CCDC171: variants seen among roughly 807,000 people sequenced by gnomAD.
The protein encoded by CCDC171 is coiled-coil domain containing 171, also known as coiled-coil domain-containing protein 171.
Under a neutral mutation model 168.2 loss-of-function variants are expected in CCDC171, and 177 were observed. The observed-to-expected ratio is 1.05, with a 90% confidence interval of 0.93 to 1.19. The LOEUF is 1.19. Among genes scored for constraint, CCDC171 ranks in the 50% most tolerant of loss-of-function variants. CCDC171 has a pLI of 0.00. For synonymous variants in CCDC171, 687 were observed against 540.8 expected (o/e 1.27, Z -3.75); for missense variants, 1,991 against 1,539.0 (o/e 1.29, Z -4.91).
intron 7 of CCDC171, among the ~76,000 whole-genome samples, chr9:15,643,170 T>A (rs186054140): frequency 6.6e-6 from 1 of 152,136 alleles, no homozygotes; most frequent in Admixed American, 6.5e-5. Flanking sequence ...TTGCTAGCTT[T>A]TAAAATCATT....
intron 11 of CCDC171, among the ~76,000 whole-genome samples, chr9:15,710,666 G>C (rs2052597372): frequency 6.6e-6 from 1 of 151,844 alleles, no homozygotes; most frequent in South Asian, 2.1e-4. Flanking sequence ...CACAATCTCA[G>C]CTCACTGCAA....
chr9:15,988,050 G>T (rs1832052950), intron 3 of CCDC171, among the ~76,000 whole-genome samples: 1 of 152,090 alleles, frequency 6.6e-6, no homozygotes, highest in East Asian at 1.9e-4. Flanking sequence ...CAATCCTTTT[G>T]TTATACTTAT....
intron 23 of CCDC171, among the ~76,000 whole-genome samples, chr9:15,873,884 C>G (rs1377146201): frequency 6.6e-6 from 1 of 152,046 alleles, no homozygotes; most frequent in African/African-American, 2.4e-5. Context: ...AGTACAAATA[C>G]TACTGATTTT....
At chr9:15,594,402 G>A (rs2042196409) in intron 6 of CCDC171, among the ~76,000 whole-genome samples, 1 of 152,090 alleles carries the variant, frequency 6.6e-6, no homozygotes, top group African/African-American at 2.4e-5. Flanking sequence ...TGATTTTTAA[G>A]AAGGATGTAT....
chr9:16,047,228 C>T (rs576739391), intron 1 of CCDC171, among the ~76,000 whole-genome samples: 1 of 152,244 alleles, frequency 6.6e-6, no homozygotes, highest in South Asian at 2.1e-4. Context: ...TCAACATGTC[C>T]CAAACAGAAC....
chr9:15,628,473 G>C (rs908464125), intron 7 of CCDC171, among the ~76,000 whole-genome samples: 1 of 152,220 alleles, frequency 6.6e-6, no homozygotes, highest in Non-Finnish European at 1.5e-5. Flanking sequence ...GCGAGGCTAG[G>C]GGAGGGGCGG....
At chr9:15,670,030 CTT>C (rs939270765) in intron 9 of CCDC171, among the ~76,000 whole-genome samples, 1 of 150,668 alleles carries the variant, frequency 6.6e-6, no homozygotes, top group Non-Finnish European at 1.5e-5. Context: ...CTTCTCCTCT[CTT>C]CCCTTTCTTG....
At chr9:15,829,330 C>G (rs930203068) in intron 21 of CCDC171, among the ~76,000 whole-genome samples, 1 of 152,080 alleles carries the variant, frequency 6.6e-6, no homozygotes, top group African/African-American at 2.4e-5. Flanking sequence ...AAAGCCGATA[C>G]ATGATAACTT....
At chr9:15,915,949 C>T (rs1824442356) in intron 24 of CCDC171, among the ~76,000 whole-genome samples, 1 of 152,092 alleles carries the variant, frequency 6.6e-6, no homozygotes, top group Admixed American at 6.5e-5. Flanking sequence ...TCCTTGCATT[C>T]CTGCAGTAAA....
At chr9:15,937,812 T>G (rs901370863) in intron 25 of CCDC171, among the ~76,000 whole-genome samples, 1 of 151,932 alleles carries the variant, frequency 6.6e-6, no homozygotes, top group Non-Finnish European at 1.5e-5. Context: ...AAGGCACATC[T>G]TTTTCTACTG....
At chr9:15,976,282 G>C (rs1831617638), downstream of CCDC171, among the ~76,000 whole-genome samples, 1 of 152,084 alleles carries the variant, frequency 6.6e-6, no homozygotes, top group African/African-American at 2.4e-5. Flanking sequence ...AGCAAACAGA[G>C]AAAATGTTCT....
chr9:15,810,490 C>G (rs1325184305), intron 21 of CCDC171, among the ~76,000 whole-genome samples: 4 of 56,276 alleles, frequency 7.1e-5, no homozygotes, highest in Admixed American at 6.7e-4. Flanking sequence ...GGGGGCCCGC[C>G]ATGGGGTGGG....
intron 9 of CCDC171, among the ~76,000 whole-genome samples, chr9:15,675,325 C>G (rs1308726897): frequency 1.3e-5 from 2 of 150,352 alleles, no homozygotes; most frequent in Non-Finnish European, 2.9e-5. Flanking sequence ...ACTCTTTATG[C>G]AATTTGCCAG....
chr9:15,887,427 A>C (rs1229360333), intron 24 of CCDC171, among the ~76,000 whole-genome samples: 1 of 152,102 alleles, frequency 6.6e-6, no homozygotes, highest in Non-Finnish European at 1.5e-5. Flanking sequence ...GACTAAAAGG[A>C]GGCATAAGTT....
intron 21 of CCDC171, among the ~76,000 whole-genome samples, chr9:15,826,519 C>T (rs2136180488): frequency 6.6e-6 from 1 of 152,260 alleles, no homozygotes; most frequent in South Asian, 2.1e-4. Context: ...GTCATAAAGA[C>T]ATGGCTTCTG....
Position 15,815,909 on chromosome 9 carries a change from GA to G in CCDC171, c.3268-30788del, listed in dbSNP as rs1041799787. Among the ~76,000 whole-genome samples the G allele has an allele frequency of 7.7e-5, 9 of 116,520 alleles. 2 individuals carry two copies. Among genetic ancestry groups the G allele is most frequent in the Admixed American group, 7.3e-4 (9 of 12,308 alleles). The allele number at this position is 116,520 out of a possible 152,430, so 76.4% of individuals were successfully genotyped here. A position where few individuals can be genotyped will look rare whatever the true frequency, so the allele number is the denominator to read the frequency against. On this transcript the variant is annotated intron_variant, in intron 21 of 25. Coordinates refer to ENST00000380701, the MANE Select transcript of CCDC171 (RefSeq NM_173550.4). Reference sequence around the variant, plus strand: ...CAGTTAATTATATTTCAAGGTCAGAGAAAAAGAATTAAGAAAACAATAGCTC... The same window carrying G: ...CAGTTAATTATATTTCAAGGTCAGAGAAAAGAATTAAGAAAACAATAGCTC...
intron 3 of CCDC171, among the ~76,000 whole-genome samples, chr9:15,572,753 C>G (rs1191606640): frequency 1.3e-5 from 2 of 152,146 alleles, no homozygotes; most frequent in Non-Finnish European, 2.9e-5. Context: ...CTTTCCTGCT[C>G]TTCTTTAGTT....
intron 25 of CCDC171, among the ~76,000 whole-genome samples, chr9:15,952,197 A>T (rs753344883): frequency 1.4e-4 from 21 of 152,054 alleles, no homozygotes; most frequent in Admixed American, 7.9e-4. Flanking sequence ...CCATTATCTG[A>T]TGCTTTACTT....
intron 25 of CCDC171, among the ~76,000 whole-genome samples, chr9:15,924,541 T>C (rs1825693456): frequency 6.6e-6 from 1 of 151,512 alleles, no homozygotes; most frequent in South Asian, 2.1e-4. Flanking sequence ...CCTAACACTT[T>C]CAACTACAAA....
Sources: allele counts gnomAD v4.1 joint callset (sites outside exome capture counted in the v4.1 genomes callset), GRCh38; gene constraint gnomAD v4.1.1; transcripts MANE v1.5; gene names NCBI Gene and HGNC (gene_info 2026-07-23, HGNC 2026-07-21).